Variants in PWWP2A observed in about 807,000 individuals in gnomAD.
The protein encoded by PWWP2A is PWWP domain-containing protein 2A.
In PWWP2A, 18 loss-of-function variants were observed where a neutral mutation model predicts 48.5. That is an observed-to-expected ratio of 0.37 (90% confidence interval 0.26 to 0.55). The LOEUF (loss-of-function observed/expected upper bound fraction) is 0.55. Ranked by LOEUF, PWWP2A falls within the 20% of genes least tolerant of loss-of-function variation. The pLI, the probability that PWWP2A is intolerant of heterozygous loss-of-function variation, is 0.81. For missense variants in PWWP2A, 867 were observed against 976.4 expected, an observed-to-expected ratio of 0.89 and a Z score of 1.49; for synonymous variants, 396 against 387.7, an observed-to-expected ratio of 1.02 and a Z score of -0.25.
At position 160,118,789 on chromosome 5, in the gene PWWP2A, G is replaced by T. The variant is rs766913103; in HGVS notation, c.584+16C>A. The stretch of plus-strand genomic sequence containing the variant: ...GGACCCAGCGGACCGGAGGGTGCTG[G>T]GGGCGGGCGCGGTACCTTTTGGACA... On this transcript the variant is annotated intron_variant, in intron 1 of 1. Transcript: ENST00000307063. The T allele has an allele frequency of 2.1e-6, 3 of 1,433,366 alleles. No individual in the cohort carries two copies. Among genetic ancestry groups the T allele is most frequent in the Middle Eastern group, 1.8e-4 (1 of 5,504 alleles). The allele number at this position is 1,433,366 out of a possible 1,614,324, so 88.8% of individuals were successfully genotyped here. A position where few individuals can be genotyped will look rare whatever the true frequency, so the allele number is the denominator to read the frequency against.
At chr5:160,049,685 T>C in the PWWP2A span, 1 of 1,522,828 alleles carries the variant, frequency 6.6e-7, no homozygotes, top group Non-Finnish European at 8.8e-7. Flanking sequence ...ATTTTAAAAA[T>C]ATTTTTCCTT....
chr5:160,087,751 G>C (rs1754751572), downstream of PWWP2A, among the ~76,000 whole-genome samples: 1 of 152,166 alleles, frequency 6.6e-6, no homozygotes, highest in Non-Finnish European at 1.5e-5. Context: ...AAATCACAGT[G>C]CTCCATTAAT....
chr5:160,116,995 G>C (rs1758206041), intron 1 of PWWP2A: 2 of 152,602 alleles, frequency 1.3e-5, no homozygotes, highest in South Asian at 4.1e-4. Context: ...GGGAGGCTGA[G>C]GTAGGAGAAT....
chr5:160,064,983 C>A (rs535272318), intron 4 of PWWP2A: 9 of 1,613,860 alleles, frequency 5.6e-6, no homozygotes, highest in Non-Finnish European at 7.6e-6. Context: ...GGGCTCTCCA[C>A]GGAAAATTTC....
At chr5:160,070,440 T>A (rs1278598524) in intron 2 of PWWP2A, among the ~76,000 whole-genome samples, 1 of 152,026 alleles carries the variant, frequency 6.6e-6, no homozygotes, top group Non-Finnish European at 1.5e-5. Context: ...GCCACCACAC[T>A]CCAGCCTGGG....
chr5:160,073,517 A>G (rs1342569046), downstream of PWWP2A, among the ~76,000 whole-genome samples: 1 of 151,792 alleles, frequency 6.6e-6, no homozygotes, highest in Admixed American at 6.6e-5. Flanking sequence ...GTGAGCCACC[A>G]TGCCCGGCCA....
chr5:160,111,458 G>A (rs941405093), intron 1 of PWWP2A, among the ~76,000 whole-genome samples: 3 of 151,742 alleles, frequency 2.0e-5, no homozygotes, highest in African/African-American at 4.8e-5. Flanking sequence ...GTGAGCCACC[G>A]CGCCTGGCAC....
the PWWP2A span, among the ~76,000 whole-genome samples, chr5:160,047,697 A>G: frequency 6.6e-6 from 1 of 152,122 alleles, no homozygotes; most frequent in Non-Finnish European, 1.5e-5. Context: ...ATGGCCCTAC[A>G]TTTCAGCCTC....
chr5:160,084,591 C>A (rs779936783), intron 2 of PWWP2A, among the ~76,000 whole-genome samples: 1 of 151,606 alleles, frequency 6.6e-6, no homozygotes, highest in South Asian at 2.1e-4. Flanking sequence ...ACCGAGCCCA[C>A]CTTATTTTTT....
At chr5:160,095,587 G>T (rs1231755168) in intron 1 of PWWP2A, among the ~76,000 whole-genome samples, 1 of 151,422 alleles carries the variant, frequency 6.6e-6, no homozygotes, top group Non-Finnish European at 1.5e-5. Flanking sequence ...GCTTCAGGTA[G>T]TCAGTCACGT....
At chr5:160,055,744 G>C in the PWWP2A span, among the ~76,000 whole-genome samples, 2 of 152,264 alleles carry the variant, frequency 1.3e-5, no homozygotes, top group African/African-American at 4.8e-5. Flanking sequence ...AGAGGCCAGA[G>C]GAGGGCATGG....
intron 2 of PWWP2A, among the ~76,000 whole-genome samples, chr5:160,083,504 T>G (rs928072847): frequency 6.6e-6 from 1 of 152,160 alleles, no homozygotes; most frequent in East Asian, 1.9e-4. Flanking sequence ...AACATTAAAA[T>G]AGTAAAATGC....
At chr5:160,059,706 C>T (rs959774683), downstream of PWWP2A, among the ~76,000 whole-genome samples, 1 of 152,222 alleles carries the variant, frequency 6.6e-6, no homozygotes, top group Non-Finnish European at 1.5e-5. Context: ...CCGCACTTAC[C>T]ATTTCAGTTA....
downstream of PWWP2A, among the ~76,000 whole-genome samples, chr5:160,058,060 C>T (rs1028010214): frequency 6.6e-6 from 1 of 152,236 alleles, no homozygotes; most frequent in African/African-American, 2.4e-5. Flanking sequence ...AGCCACTGTG[C>T]CCGGCCAGTT....
intron 2 of PWWP2A, among the ~76,000 whole-genome samples, chr5:160,085,568 G>A (rs1480129947): frequency 1.4e-5 from 2 of 140,708 alleles, no homozygotes; most frequent in Non-Finnish European, 3.1e-5. Context: ...GTGTAATGGC[G>A]CGATCTCGGC....
At position 160,109,770 on chromosome 5, in the gene PWWP2A, AAAAAATATATAT is replaced by A. The variant is rs1350614770; in HGVS notation, c.584+9023_584+9034del. The stretch of plus-strand genomic sequence containing the variant: ...GGATGCAACTGGGAAAAAAAAAAAA[AAAAAATATATAT>A]ATATATATATATATATATATATATA... On this transcript the variant is annotated intron_variant, in intron 1 of 1. Transcript: ENST00000307063. Among the ~76,000 whole-genome samples the A allele has an allele frequency of 3.8e-3, 146 of 38,150 alleles. No individual in the cohort carries two copies. In the East Asian group the frequency reaches 0.053, roughly 14 times the overall value. The allele number at this position is 38,150 out of a possible 152,430, so 25.0% of individuals were successfully genotyped here. A position where few individuals can be genotyped will look rare whatever the true frequency, so the allele number is the denominator to read the frequency against.
chr5:160,089,698 T>C, downstream of PWWP2A: 1 of 1,269,658 alleles, frequency 7.9e-7, no homozygotes, highest in Non-Finnish European at 1.0e-6. Context: ...TCACAACTCT[T>C]CCTTCACTTG....
At chr5:160,112,680 A>G (rs1757711274) in intron 1 of PWWP2A, among the ~76,000 whole-genome samples, 1 of 151,818 alleles carries the variant, frequency 6.6e-6, no homozygotes, top group Admixed American at 6.5e-5. Context: ...AGGGAAAACC[A>G]GGCCACCTGG....
At position 160,103,759 on chromosome 5, in the gene PWWP2A, G is replaced by A. The variant is rs1256417666; in HGVS notation, c.585-9694C>T. Among the ~76,000 whole-genome samples the A allele has an allele frequency of 3.9e-5, 6 of 152,120 alleles. No homozygotes were observed. The East Asian group carries it at 1.2e-3, about 29-fold the overall frequency. On this transcript the variant is annotated intron_variant, in intron 1 of 1. Coordinates refer to ENST00000307063, the MANE Select transcript of PWWP2A (RefSeq NM_001130864.2). ...TGGCAGAAAAAGAGGAGGGCATGTTGGTGAGTGTGCCTGAGTGGAGAGGGC... is the reference window on the plus strand; with the variant it reads ...TGGCAGAAAAAGAGGAGGGCATGTTAGTGAGTGTGCCTGAGTGGAGAGGGC...
Sources: allele counts gnomAD v4.1 joint callset (sites outside exome capture counted in the v4.1 genomes callset), GRCh38; gene constraint gnomAD v4.1.1; transcripts MANE v1.5; gene names NCBI Gene and HGNC (gene_info 2026-07-23, HGNC 2026-07-21).